The following XPA variants were observed in gnomAD, a reference collection of about 807,000 sequenced individuals.
The protein encoded by XPA is DNA repair protein complementing XP-A cells.
XPA carries 27 observed loss-of-function variants against 35.7 expected under a neutral mutation model. The observed-to-expected ratio is 0.76, with a 90% confidence interval of 0.56 to 1.04. The LOEUF (loss-of-function observed/expected upper bound fraction) is 1.04, where lower values mean the gene tolerates loss of function less well. XPA is among the 50% of genes least tolerant of loss of function. The probability of loss-of-function intolerance (pLI) is 0.00; values close to 1 mark genes in which losing one functional copy is unlikely to be tolerated. For synonymous variants in XPA, 133 were observed against 118.4 expected (o/e 1.12, Z -0.80); for missense variants, 354 against 342.7 (o/e 1.03, Z -0.26).
At chr9:97,671,379 TC>T (rs1828188481), downstream of XPA, 1 of 543,154 alleles carries the variant, frequency 1.8e-6, no homozygotes, top group Admixed American at 3.4e-5. Flanking sequence ...AGCAAATACT[TC>T]CTAACGGCAG....
At chr9:97,676,800 T>G (rs1564037341) in intron 5 of XPA, among the ~76,000 whole-genome samples, 1 of 152,216 alleles carries the variant, frequency 6.6e-6, no homozygotes, top group Non-Finnish European at 1.5e-5. Context: ...AAAAGTACTT[T>G]GACATTATTT....
intron 5 of XPA, among the ~76,000 whole-genome samples, chr9:97,679,456 A>G (rs3176725): frequency 1.3e-5 from 2 of 152,326 alleles, no homozygotes; most frequent in East Asian, 3.9e-4. Context: ...TACTGGGCAA[A>G]TTTTGGACAA....
At chr9:97,692,085 G>A (rs1828909792) in intron 2 of XPA, among the ~76,000 whole-genome samples, 1 of 151,726 alleles carries the variant, frequency 6.6e-6, no homozygotes, top group Non-Finnish European at 1.5e-5. Flanking sequence ...CTGAGATTGG[G>A]TGCTCAAGAC....
rs1828326360 is a variant in XPA, at chr9:97,675,439, T to G, written c.822A>C (p.Ter274CysextTer14). Residue 274 changes from the stop codon to cysteine, a stop_lost, in exon 6 of 6, where the codon TGA becomes TGC. Coordinates refer to ENST00000375128, the MANE Select transcript of XPA (RefSeq NM_000380.4). ...TAAAACAGGTCACTGAACTAAAAAA[T>G]CACATTTTTTCATATGTCAGTTCAT... The part of the protein sequence containing the change: ...CGHELTYEKM[*>C] 6.2e-6 allele frequency: 10 copies of G among 1,612,890 alleles called. No homozygotes were observed. Among genetic ancestry groups the G allele is most frequent in the Non-Finnish European group, 8.5e-6 (10 of 1,179,726 alleles).
the XPA span, among the ~76,000 whole-genome samples, chr9:97,661,488 A>G: frequency 6.6e-6 from 1 of 152,204 alleles, no homozygotes; most frequent in African/African-American, 2.4e-5. Flanking sequence ...TCTGGGCAAG[A>G]GTGGGAAAAT....
chr9:97,685,252 A>C (rs2131393805), intron 4 of XPA, among the ~76,000 whole-genome samples: 1 of 152,346 alleles, frequency 6.6e-6, no homozygotes, highest in African/African-American at 2.4e-5. Flanking sequence ...CAGTAAACGT[A>C]TGCTGAATTA....
the XPA span, chr9:97,661,150 T>A: frequency 1.3e-6 from 2 of 1,548,314 alleles, no homozygotes; most frequent in Non-Finnish European, 8.8e-7. Flanking sequence ...AACATGATGC[T>A]CTTAAAGCAA....
At chr9:97,661,943 G>T in the XPA span, 1 of 708,642 alleles carries the variant, frequency 1.4e-6, no homozygotes, top group Non-Finnish European at 2.4e-6. Flanking sequence ...ACAAATATCT[G>T]TGTATAGATG....
Position 97,687,222 on chromosome 9 carries a change from C to T in XPA, c.429G>A (p.Glu143=), listed in dbSNP as rs753411843. 7 of 1,610,806 alleles carry T rather than the reference C, an allele frequency of 4.3e-6. No homozygotes were observed. In the East Asian group the frequency reaches 1.6e-4, roughly 36 times the overall value. The change falls in exon 4 of 6, where the codon GAG becomes GAA. Residue 143 remains glutamate (E), a synonymous_variant. Transcript: ENST00000375128. ...CTTTCAGAAGATATTCTTGTTTTGC[C>T]TCTGTTTTGGTTATAAGCTTGTGTT... The part of the protein sequence containing the change: ...DDKHKLITKT[E]AKQEYLLKDC...
At chr9:97,662,920 A>G in the XPA span, 7 of 1,452,010 alleles carry the variant, frequency 4.8e-6, no homozygotes, top group African/African-American at 8.5e-5. Context: ...ATGAATAAGT[A>G]TATATGGTAT....
At position 97,675,240 on chromosome 9, in the gene XPA, ACACAACCAGGCCAGGTGACCTT is replaced by A. The variant is rs1484216245; in HGVS notation, c.*177_*198del. ...GGCAATCACAGACATGACATTGTGC[ACACAACCAGGCCAGGTGACCTT>A]CACTGAAACTTGCTTTTAAGCCATA... On this transcript the variant is annotated 3_prime_UTR_variant, in exon 6 of 6. Transcript: ENST00000375128. 1.4e-6 allele frequency: 1 copy of A among 693,240 alleles called. No homozygotes were observed. Among genetic ancestry groups the A allele is most frequent in the South Asian group, 1.5e-5 (1 of 66,242 alleles). The allele number at this position is 693,240 out of a possible 1,614,324, so 42.9% of individuals were successfully genotyped here. A position where few individuals can be genotyped will look rare whatever the true frequency, so the allele number is the denominator to read the frequency against.
chr9:97,690,433 G>A (rs1415577306), intron 2 of XPA, among the ~76,000 whole-genome samples: 1 of 151,928 alleles, frequency 6.6e-6, no homozygotes, highest in Non-Finnish European at 1.5e-5. Flanking sequence ...TGTTGCTCAG[G>A]TTTTAGTGCA....
intron 5 of XPA, among the ~76,000 whole-genome samples, chr9:97,680,352 G>C (rs996361866): frequency 6.6e-6 from 1 of 152,094 alleles, no homozygotes; most frequent in Non-Finnish European, 1.5e-5. Context: ...GGGACTACAG[G>C]CACACACCAT....
At chr9:97,666,528 C>G in the XPA span, among the ~76,000 whole-genome samples, 3 of 152,286 alleles carry the variant, frequency 2.0e-5, no homozygotes, top group Admixed American at 1.3e-4. Context: ...AGAAAAATGA[C>G]TACACAGTGC....
chr9:97,685,360 G>A (rs1398770644), intron 4 of XPA, among the ~76,000 whole-genome samples: 3 of 152,114 alleles, frequency 2.0e-5, no homozygotes, highest in Non-Finnish European at 4.4e-5. Flanking sequence ...GCTCACCAAA[G>A]AAACAGTTTG....
chr9:97,688,003 AAAGTT>A (rs1315777741), intron 3 of XPA, among the ~76,000 whole-genome samples: 1 of 152,214 alleles, frequency 6.6e-6, no homozygotes, highest in Non-Finnish European at 1.5e-5. Flanking sequence ...CAAAAACATA[AAAGTT>A]AAAACTGGGA....
chr9:97,675,602 T>A lies in XPA; in HGVS notation c.674-15A>T. ...TCGCCGCAATTCTGAAAAAAAAATT[T>A]TAAAGTCATCTTTTCAGTGGTGCTA... On this transcript the variant is annotated splice_polypyrimidine_tract_variant and intron_variant, in intron 5 of 5. Coordinates refer to ENST00000375128, the MANE Select transcript of XPA (RefSeq NM_000380.4). 6.2e-7 allele frequency: 1 copy of A among 1,613,956 alleles called. No individual in the cohort carries two copies. Among genetic ancestry groups the A allele is most frequent in the South Asian group, 1.1e-5 (1 of 91,080 alleles).
chr9:97,662,859 C>T, the XPA span: 2 of 865,886 alleles, frequency 2.3e-6, no homozygotes, highest in East Asian at 2.5e-5. Flanking sequence ...TTATATATTG[C>T]ATTATAAATT....
At chr9:97,662,073 A>G in the XPA span, 3 of 1,613,812 alleles carry the variant, frequency 1.9e-6, no homozygotes, top group Non-Finnish European at 2.5e-6. Context: ...CATTGAAAAT[A>G]GAAGTCTTTG....
Sources: allele counts gnomAD v4.1 joint callset (sites outside exome capture counted in the v4.1 genomes callset), GRCh38; gene constraint gnomAD v4.1.1; transcripts MANE v1.5; gene names NCBI Gene and HGNC (gene_info 2026-07-23, HGNC 2026-07-21).